TASP1: variants seen among roughly 807,000 people sequenced by gnomAD.
TASP1 encodes threonine aspartase 1.
A neutral mutation model predicts 56.6 loss-of-function variants in TASP1; 16 were observed. The ratio of observed to expected loss-of-function variants is 0.28; its 90% CI spans 0.19 to 0.43. The LOEUF (loss-of-function observed/expected upper bound fraction) is 0.43. Ranked by LOEUF, TASP1 falls within the 20% of genes least tolerant of loss-of-function variation. TASP1 has a pLI of 1.00. For missense variants in TASP1, 393 were observed against 511.6 expected (o/e 0.77, Z 2.24); for synonymous variants, 179 against 184.2 (o/e 0.97, Z 0.23).
the TASP1 span, among the ~76,000 whole-genome samples, chr20:13,329,422 C>A: frequency 7.2e-5 from 11 of 152,298 alleles, no homozygotes; most frequent in Admixed American, 7.2e-4. Context: ...AAGAAGTCAA[C>A]ACCACTAAAA....
At chr20:13,366,500 A>G in the TASP1 span, among the ~76,000 whole-genome samples, 1 of 152,216 alleles carries the variant, frequency 6.6e-6, no homozygotes, top group Admixed American at 6.5e-5. Flanking sequence ...TCCTGTAAGC[A>G]GTGTTTGCAC....
the TASP1 span, among the ~76,000 whole-genome samples, chr20:13,380,000 T>C: frequency 3.3e-5 from 5 of 152,232 alleles, no homozygotes; most frequent in Non-Finnish European, 5.9e-5. Context: ...CTTAGCTTCC[T>C]ATCATTGGGT....
At chr20:13,232,029 T>C in the TASP1 span, among the ~76,000 whole-genome samples, 165 of 152,308 alleles carry the variant, frequency 1.1e-3, no homozygotes, top group Non-Finnish European at 1.9e-3. Flanking sequence ...CCCATAAGCA[T>C]CCAGGTAGAA....
At chr20:13,512,756 T>C (rs1429530746) in intron 10 of TASP1, among the ~76,000 whole-genome samples, 1 of 152,226 alleles carries the variant, frequency 6.6e-6, no homozygotes, top group East Asian at 1.9e-4. Context: ...AAGTCTTTGA[T>C]CCATCTTGAA....
At chr20:13,625,039 G>T (rs755528852) in intron 3 of TASP1, 146 bp downstream of exon 3, 1 of 510,732 alleles carries the variant, frequency 2.0e-6, no homozygotes. Context: ...AACACAAAAC[G>T]ATCCCCTACA....
At chr20:13,635,609 A>C (rs1443708983) in intron 1 of TASP1, among the ~76,000 whole-genome samples, 2 of 152,050 alleles carry the variant, frequency 1.3e-5, no homozygotes, top group Non-Finnish European at 2.9e-5. Context: ...GCTGGTCTCG[A>C]ACTCCTGACC....
intron 4 of TASP1, among the ~76,000 whole-genome samples, chr20:13,602,480 C>T (rs2047999463): frequency 6.6e-6 from 1 of 152,094 alleles, no homozygotes; most frequent in East Asian, 1.9e-4. Flanking sequence ...GACAAATGTA[C>T]CTGCTAATTA....
the TASP1 span, among the ~76,000 whole-genome samples, chr20:13,211,112 G>A: frequency 6.6e-6 from 1 of 152,088 alleles, no homozygotes; most frequent in Non-Finnish European, 1.5e-5. Flanking sequence ...AGTACTGAAC[G>A]AATCTCAGTA....
intron 12 of TASP1, among the ~76,000 whole-genome samples, chr20:13,421,953 C>CTTTTTTTTTTTTTTT (rs1179688722): frequency 2.9e-5 from 4 of 139,044 alleles, no homozygotes; most frequent in Non-Finnish European, 4.6e-5. Context: ...TCTGTTTAAC[C>CTTTTTTTTTTTTTTT]TTTTTTTTTT....
At chr20:13,104,868 G>C in the TASP1 span, among the ~76,000 whole-genome samples, 11 of 151,978 alleles carry the variant, frequency 7.2e-5, no homozygotes, top group Admixed American at 4.6e-4. Context: ...TTTGTTTGGG[G>C]AACTTTTTTT....
intron 10 of TASP1, among the ~76,000 whole-genome samples, chr20:13,512,041 T>A (rs1409849456): frequency 2.0e-5 from 3 of 152,164 alleles, no homozygotes; most frequent in African/African-American, 7.2e-5. Context: ...GTCTCTGCTA[T>A]TGCAAATAGT....
At chr20:13,278,157 G>A in the TASP1 span, among the ~76,000 whole-genome samples, 1 of 152,194 alleles carries the variant, frequency 6.6e-6, no homozygotes, top group African/African-American at 2.4e-5. Flanking sequence ...ATGGCCAAAG[G>A]AACCCAATGC....
At chr20:13,180,672 G>A in the TASP1 span, among the ~76,000 whole-genome samples, 1 of 152,128 alleles carries the variant, frequency 6.6e-6, no homozygotes, top group African/African-American at 2.4e-5. Context: ...GAATACAAAG[G>A]CATAAATCGC....
At chr20:13,574,105 A>G (rs2046813944) in intron 6 of TASP1, among the ~76,000 whole-genome samples, 1 of 152,112 alleles carries the variant, frequency 6.6e-6, no homozygotes, top group African/African-American at 2.4e-5. Flanking sequence ...ACTGGAACAA[A>G]TGAAATGAAA....
At chr20:13,471,703 G>A (rs958236274) in intron 11 of TASP1, among the ~76,000 whole-genome samples, 3 of 152,092 alleles carry the variant, frequency 2.0e-5, no homozygotes, top group Admixed American at 6.6e-5. Context: ...GTATAGCTCC[G>A]TTCCAAGATG....
chr20:13,180,224 T>C, the TASP1 span, among the ~76,000 whole-genome samples: 1 of 152,206 alleles, frequency 6.6e-6, no homozygotes, highest in African/African-American at 2.4e-5. Flanking sequence ...TATCACAAGA[T>C]ACAAACACTG....
chr20:13,458,440 T>C (rs2043928797), intron 11 of TASP1, among the ~76,000 whole-genome samples: 1 of 152,054 alleles, frequency 6.6e-6, no homozygotes, highest in African/African-American at 2.4e-5. Flanking sequence ...CTCTGCCTTC[T>C]GGGTTCAAAT....
At chr20:13,611,017 T>C (rs1180687970) in intron 4 of TASP1, among the ~76,000 whole-genome samples, 3 of 151,968 alleles carry the variant, frequency 2.0e-5, no homozygotes, top group Non-Finnish European at 2.9e-5. Flanking sequence ...GATTCAACCC[T>C]GGAAAAAAAA....
the TASP1 span, among the ~76,000 whole-genome samples, chr20:13,178,481 C>A: frequency 6.6e-6 from 1 of 151,832 alleles, no homozygotes; most frequent in Non-Finnish European, 1.5e-5. Context: ...CTCGCAATAG[C>A]CAAAATAGGT....
Sources: allele counts gnomAD v4.1 joint callset (sites outside exome capture counted in the v4.1 genomes callset), GRCh38; gene constraint gnomAD v4.1.1; transcripts MANE v1.5; gene names NCBI Gene and HGNC (gene_info 2026-07-23, HGNC 2026-07-21).